Variants in LGR6 observed in about 807,000 individuals in gnomAD.
LGR6 encodes leucine rich repeat containing G protein-coupled receptor 6, also known as leucine-rich repeat-containing G protein-coupled receptor 6.
A neutral mutation model predicts 69.4 loss-of-function variants in LGR6; 45 were observed. The ratio of observed to expected loss-of-function variants is 0.65; its 90% CI spans 0.51 to 0.83. LGR6 has a LOEUF of 0.83. Ranked by LOEUF, LGR6 falls within the 40% of genes least tolerant of loss-of-function variation. LGR6 has a pLI of 0.00. For synonymous variants in LGR6, 538 were observed against 555.0 expected, an observed-to-expected ratio of 0.97 and a Z score of 0.43; for missense variants, 1,108 against 1,246.7, an observed-to-expected ratio of 0.89 and a Z score of 1.68.
At chr1:202,214,246 G>A (rs1659604604) in intron 1 of LGR6, 1 of 1,537,184 alleles carries the variant, frequency 6.5e-7, no homozygotes, top group African/African-American at 1.4e-5. Flanking sequence ...AGGTAGGCTT[G>A]GGGGAAGGGT....
intron 4 of LGR6, among the ~76,000 whole-genome samples, chr1:202,239,239 T>C (rs1661931242): frequency 6.6e-6 from 1 of 152,096 alleles, no homozygotes; most frequent in South Asian, 2.1e-4. Flanking sequence ...GAGGGGTTAC[T>C]CATCCCTTCA....
intron 1 of LGR6, among the ~76,000 whole-genome samples, chr1:202,196,675 G>A (rs1049012030): frequency 3.3e-5 from 5 of 152,208 alleles, no homozygotes; most frequent in African/African-American, 1.2e-4. Flanking sequence ...TCCCCAGAGT[G>A]CCTGACACCC....
intron 1 of LGR6, chr1:202,194,717 G>GGGGGGGGGTT: frequency 5.3e-6 from 1 of 189,228 alleles, no homozygotes; most frequent in Non-Finnish European, 1.0e-5. Context: ...GGGGGGGCGG[G>GGGGGGGGGTT]TTTCCTAGAA....
Position 202,309,183 on chromosome 1 carries a change from G to A in LGR6, c.1406+7G>A. ...ACAGTTTCCCAAAACTGAGGTGAGGGACTGGCTTTCCCCAACACCTGGGTA... is the reference window on the plus strand; with the variant it reads ...ACAGTTTCCCAAAACTGAGGTGAGGAACTGGCTTTCCCCAACACCTGGGTA... On this transcript the variant is annotated splice_region_variant and intron_variant, in intron 15 of 17. Coordinates refer to ENST00000367278, the MANE Select transcript of LGR6 (RefSeq NM_001017403.2). The A allele has an allele frequency of 1.9e-6, 3 of 1,613,794 alleles. No homozygotes were observed. Among genetic ancestry groups the A allele is most frequent in the Non-Finnish European group, 2.5e-6 (3 of 1,179,810 alleles).
intron 17 of LGR6, among the ~76,000 whole-genome samples, chr1:202,315,437 A>T (rs1356143409): frequency 3.3e-5 from 5 of 152,204 alleles, no homozygotes; most frequent in African/African-American, 1.2e-4. Flanking sequence ...ATCTAACCTA[A>T]ATCCATCCTG....
At chr1:202,207,925 T>C (rs978112650) in intron 1 of LGR6, among the ~76,000 whole-genome samples, 14 of 152,224 alleles carry the variant, frequency 9.2e-5, no homozygotes, top group African/African-American at 3.4e-4. Context: ...ACACTAACTT[T>C]CACTGCAAAA....
intron 12 of LGR6, among the ~76,000 whole-genome samples, chr1:202,306,156 C>T (rs74574142): frequency 1.1e-3 from 166 of 152,338 alleles, no homozygotes; most frequent in African/African-American, 3.9e-3. Flanking sequence ...TACCTCTAAA[C>T]ACGCACATGC....
intron 7 of LGR6, among the ~76,000 whole-genome samples, chr1:202,300,515 T>G (rs944677145): frequency 1.3e-5 from 2 of 151,950 alleles, no homozygotes; most frequent in Non-Finnish European, 2.9e-5. Context: ...ATTAGCGAGG[T>G]GCAGTGGCAC....
chr1:202,203,641 T>C (rs12122827), intron 1 of LGR6: 9 of 622,882 alleles, frequency 1.4e-5, no homozygotes, highest in Middle Eastern at 8.7e-4. Context: ...GAGAGAGAGA[T>C]AAGACAAGCG....
chr1:202,200,876 C>A (rs1210764895), intron 1 of LGR6, among the ~76,000 whole-genome samples: 1 of 152,188 alleles, frequency 6.6e-6, no homozygotes, highest in African/African-American at 2.4e-5. Context: ...CTGTGCCCCC[C>A]GGAGCCATGC....
chr1:202,317,360 GGA>G (rs1246690782), intron 17 of LGR6, among the ~76,000 whole-genome samples: 2 of 150,844 alleles, frequency 1.3e-5, no homozygotes, highest in Non-Finnish European at 3.0e-5. Flanking sequence ...GTTTTTTTGG[GGA>G]GAGAGAGAGT....
chr1:202,315,404 T>G (rs1388089236), intron 17 of LGR6, among the ~76,000 whole-genome samples: 1 of 152,232 alleles, frequency 6.6e-6, no homozygotes, highest in Non-Finnish European at 1.5e-5. Context: ...CTAACGCTTA[T>G]AGTTGCGGAA....
intron 6 of LGR6, among the ~76,000 whole-genome samples, chr1:202,282,830 T>C (rs1406653612): frequency 1.3e-5 from 2 of 152,246 alleles, no homozygotes. Context: ...AGAGCAATCC[T>C]GCCGCTAAGC....
chr1:202,214,506 G>A (rs1349698428), intron 1 of LGR6, among the ~76,000 whole-genome samples: 1 of 151,932 alleles, frequency 6.6e-6, no homozygotes, highest in Non-Finnish European at 1.5e-5. Context: ...CCCGCCCCCG[G>A]GGCCGCCGCT....
chr1:202,215,229 C>CA lies in LGR6; in HGVS notation c.213-10193dup, dbSNP rs138065236. Among the ~76,000 whole-genome samples the CA allele has an allele frequency of 1.4e-3, 215 of 152,238 alleles. 1 individual carries two copies. In the South Asian group the frequency reaches 0.018, roughly 13 times the overall value. Reference sequence around the variant, plus strand: ...ATAAAGGCAGCAGGACAAGGAGCTTCAGCTAAACAAACAAGGCTCAGAGAT... The same window carrying CA: ...ATAAAGGCAGCAGGACAAGGAGCTTCAAGCTAAACAAACAAGGCTCAGAGAT... On this transcript the variant is annotated intron_variant, in intron 1 of 17. Coordinates refer to ENST00000367278, the MANE Select transcript of LGR6 (RefSeq NM_001017403.2).
In LGR6 at chr1:202,310,160, G is replaced by T; in HGVS notation, c.1407-37G>T. ...GACTTAGGTCTTAGACCCCAAAGAT[G>T]CTGAGGCAGCCAATCAGCCTGCCTC... On this transcript the variant is annotated intron_variant, in intron 15 of 17. Coordinates refer to ENST00000367278, the MANE Select transcript of LGR6 (RefSeq NM_001017403.2). 3.1e-6 allele frequency: 5 copies of T among 1,609,564 alleles called. No individual in the cohort carries two copies. In the South Asian group the frequency reaches 4.4e-5, roughly 14 times the overall value.
chr1:202,223,455 C>A (rs3128691), intron 1 of LGR6, among the ~76,000 whole-genome samples: 55,930 of 151,910 alleles, frequency 0.37, 11,869 homozygotes, highest in East Asian at 0.72. Flanking sequence ...TCTGGGCACA[C>A]AGAAAGCACA....
rs984263406 is a variant in LGR6 at position 202,318,724 on chromosome 1, C to T, written c.2421C>T (p.Ala807=). 12 of 1,613,476 alleles carry T rather than the reference C, an allele frequency of 7.4e-6. No individual in the cohort carries two copies. Among genetic ancestry groups the T allele is most frequent in the Non-Finnish European group, 8.5e-6 (10 of 1,179,988 alleles). ...GCCTCTTCCCTGTCACGCCCGAGGC[C>T]GTCAAGTCTGTCCTGCTGGTGGTGC... is the stretch of plus-strand genomic sequence containing the variant. The part of the protein sequence containing the change: ...MLGLFPVTPE[A]VKSVLLVVLP... The change falls in exon 18 of 18, where the codon GCC becomes GCT. Residue 807 remains alanine, a synonymous_variant. Transcript: ENST00000367278.
At chr1:202,200,472 G>C (rs1057364063) in intron 1 of LGR6, among the ~76,000 whole-genome samples, 1 of 152,180 alleles carries the variant, frequency 6.6e-6, no homozygotes, top group Non-Finnish European at 1.5e-5. Flanking sequence ...CCTTAGGCTA[G>C]TGAGTCACTA....
Sources: allele counts gnomAD v4.1 joint callset (sites outside exome capture counted in the v4.1 genomes callset), GRCh38; gene constraint gnomAD v4.1.1; transcripts MANE v1.5; gene names NCBI Gene and HGNC (gene_info 2026-07-23, HGNC 2026-07-21).